Variants in RANBP17 observed in about 807,000 individuals in gnomAD.
The protein encoded by RANBP17 is ran-binding protein 17.
RANBP17 carries 158 observed loss-of-function variants against 141.2 expected under a neutral mutation model. That is an observed-to-expected ratio of 1.12 (90% confidence interval 0.98 to 1.28). The LOEUF is 1.28. Ranked by LOEUF, RANBP17 falls within the 50% of genes most tolerant of loss-of-function variation. The pLI is 0.00. For missense variants in RANBP17, 1,438 were observed against 1,290.7 expected, an observed-to-expected ratio of 1.11 and a Z score of -1.75; for synonymous variants, 430 against 450.0, an observed-to-expected ratio of 0.96 and a Z score of 0.56.
chr5:171,229,209 A>G (rs17651895), intron 22 of RANBP17, among the ~76,000 whole-genome samples: 6,665 of 152,282 alleles, frequency 0.044, 219 homozygotes, highest in Non-Finnish European at 0.067. Context: ...ATATAATAAC[A>G]AAGTAGCAGA....
chr5:171,279,813 G>T (rs1456035502), intron 25 of RANBP17, among the ~76,000 whole-genome samples: 2 of 151,968 alleles, frequency 1.3e-5, no homozygotes, highest in Admixed American at 6.6e-5. Flanking sequence ...GAAAGAACTT[G>T]CCCAAGTCAC....
chr5:170,983,432 A>C (rs1361458034), intron 14 of RANBP17, among the ~76,000 whole-genome samples: 1 of 152,210 alleles, frequency 6.6e-6, no homozygotes, highest in African/African-American at 2.4e-5. Flanking sequence ...TTGTGCACAA[A>C]AGGGAATTGA....
intron 11 of RANBP17, among the ~76,000 whole-genome samples, chr5:170,920,277 G>A (rs116667362): frequency 0.017 from 2,557 of 152,148 alleles, 37 homozygotes; most frequent in Admixed American, 0.028. Context: ...TTGCATTCCC[G>A]CTCACAATGT....
intron 25 of RANBP17, among the ~76,000 whole-genome samples, chr5:171,267,026 C>CTTTTTTTTTTTTTT (rs35762251): frequency 1.7e-5 from 2 of 114,616 alleles, no homozygotes; most frequent in African/African-American, 3.7e-5. Context: ...ATTTTCTTTT[C>CTTTTTTTTTTTTTT]TTTTTTTTTT....
chr5:171,036,339 A>G (rs1472336842), intron 14 of RANBP17, among the ~76,000 whole-genome samples: 12 of 152,146 alleles, frequency 7.9e-5, no homozygotes, highest in Non-Finnish European at 1.5e-5. Flanking sequence ...ATCTGCATCC[A>G]TGTTGCTGCA....
intron 14 of RANBP17, among the ~76,000 whole-genome samples, chr5:170,971,333 A>G (rs1006620477): frequency 1.7e-4 from 26 of 152,222 alleles, no homozygotes; most frequent in African/African-American, 5.3e-4. Context: ...CTTTGCTCAG[A>G]ACTTGAAAGG....
At chr5:171,075,296 GA>G (rs2127699435) in intron 14 of RANBP17, among the ~76,000 whole-genome samples, 1 of 152,262 alleles carries the variant, frequency 6.6e-6, no homozygotes, top group African/African-American at 2.4e-5. Context: ...AAATGACATA[GA>G]TTTACAAAAT....
chr5:171,196,916 G>C (rs1002117032), intron 18 of RANBP17, among the ~76,000 whole-genome samples: 1 of 152,078 alleles, frequency 6.6e-6, no homozygotes, highest in Non-Finnish European at 1.5e-5. Context: ...CAGCTTCCAA[G>C]TAGGTAGGAT....
intron 14 of RANBP17, among the ~76,000 whole-genome samples, chr5:171,135,540 A>G (rs575637227): frequency 3.9e-5 from 6 of 152,138 alleles, no homozygotes; most frequent in Non-Finnish European, 7.3e-5. Context: ...ATTCCTAAAT[A>G]CGCTTTCTTA....
chr5:171,227,361 A>C (rs1177259173), intron 22 of RANBP17, among the ~76,000 whole-genome samples: 1 of 152,248 alleles, frequency 6.6e-6, no homozygotes, highest in Admixed American at 6.5e-5. Flanking sequence ...AGATCAAACC[A>C]GTCATAATAT....
In RANBP17 at chr5:170,916,538, T is replaced by G; in HGVS notation, c.908T>G (p.Leu303Arg). 1 of 1,582,520 alleles carries G rather than the reference T, an allele frequency of 6.3e-7. No homozygotes were observed. Among genetic ancestry groups the G allele is most frequent in the Non-Finnish European group, 8.6e-7 (1 of 1,160,602 alleles). ...AACAGTCCTGAACGTGCCAAGTACC[T>G]TGGTAATTTAATTAAGGGAGTAAAA... is the stretch of plus-strand genomic sequence containing the variant. ...LFNSPERAKY[L>R]GNLIKGVKRI... Residue 303 changes from leucine (L) to arginine (R), a missense_variant, in exon 9 of 28, where the codon CTT (leucine) becomes CGT (arginine). Coordinates refer to ENST00000523189, the MANE Select transcript of RANBP17 (RefSeq NM_022897.5).
chr5:171,122,348 G>A (rs540537046), intron 14 of RANBP17, among the ~76,000 whole-genome samples: 1 of 152,288 alleles, frequency 6.6e-6, no homozygotes, highest in South Asian at 2.1e-4. Flanking sequence ...TCTTGCCTGT[G>A]TATTTCAAGG....
chr5:171,139,559 A>G (rs555958888), intron 14 of RANBP17, among the ~76,000 whole-genome samples: 2 of 152,292 alleles, frequency 1.3e-5, no homozygotes, highest in South Asian at 2.1e-4. Context: ...CCAGAAACCT[A>G]GGAATCATTT....
chr5:171,139,978 C>T (rs1013845700), intron 14 of RANBP17, among the ~76,000 whole-genome samples: 2 of 152,150 alleles, frequency 1.3e-5, no homozygotes, highest in Admixed American at 6.5e-5. Context: ...TTAAGACCCT[C>T]AGCAGCATAA....
intron 24 of RANBP17, among the ~76,000 whole-genome samples, chr5:171,256,676 T>C (rs1367411527): frequency 6.6e-6 from 1 of 151,936 alleles, no homozygotes; most frequent in Non-Finnish European, 1.5e-5. Flanking sequence ...AACCACTAGC[T>C]AGACTAACCA....
At chr5:171,141,621 C>CAA (rs10691735) in intron 14 of RANBP17, among the ~76,000 whole-genome samples, 32,608 of 55,316 alleles carry the variant, frequency 0.59, 11,044 homozygotes, top group Non-Finnish European at 0.68. Context: ...GACTCCATCT[C>CAA]AAAAAAAAAA....
At chr5:171,287,627 T>C (rs1457484175) in intron 25 of RANBP17, among the ~76,000 whole-genome samples, 1 of 151,898 alleles carries the variant, frequency 6.6e-6, no homozygotes, top group Non-Finnish European at 1.5e-5. Flanking sequence ...CAGGTCCAGA[T>C]ACAGGGATGC....
At chr5:170,896,810 A>G (rs1427834838) in intron 5 of RANBP17, 1 of 416,998 alleles carries the variant, frequency 2.4e-6, no homozygotes, top group East Asian at 5.5e-5. Flanking sequence ...ACCCTGGGTG[A>G]CAGAGCAAGA....
intron 25 of RANBP17, among the ~76,000 whole-genome samples, chr5:171,274,905 A>C (rs989063196): frequency 6.6e-6 from 1 of 152,234 alleles, no homozygotes; most frequent in Non-Finnish European, 1.5e-5. Context: ...TTTATTCTAA[A>C]CATGGGTGAA....
Sources: gnomAD v4.1 joint callset for allele counts (sites outside exome capture counted in the v4.1 genomes callset) on GRCh38, gnomAD v4.1.1 for gene constraint, MANE v1.5 for transcripts, NCBI Gene and HGNC (gene_info 2026-07-23, HGNC 2026-07-21) for gene names.